Variants in TCF7L2 observed in about 807,000 individuals in gnomAD.
TCF7L2 encodes the protein transcription factor 7 like 2.
Under a neutral mutation model 77.9 loss-of-function variants are expected in TCF7L2, and 23 were observed. That is an observed-to-expected ratio of 0.30 (90% CI 0.21 to 0.42). The LOEUF is 0.42. Ranked by LOEUF, TCF7L2 falls within the 10% of genes least tolerant of loss-of-function variation. The pLI is 1.00. For missense variants in TCF7L2, 654 were observed against 793.1 expected (o/e 0.82, Z 2.11); for synonymous variants, 413 against 340.2 (o/e 1.21, Z -2.36).
At position 113,107,457 on chromosome 10, in the gene TCF7L2, G is replaced by C. The variant is rs1173090588; in HGVS notation, c.553-33727G>C. Among the ~76,000 whole-genome samples, 5 of 152,054 alleles carry C rather than the reference G, an allele frequency of 3.3e-5. No individual in the cohort carries two copies. The East Asian group carries it at 9.7e-4, about 29-fold the overall frequency. On this transcript the variant is annotated intron_variant, in intron 5 of 13. Transcript: ENST00000627217. Reference sequence around the variant, plus strand: ...TACACATTTGTGGTCAAGACATCAAGTTGCGGCCGGGCGTGGTGGCTCATG... The same window carrying C: ...TACACATTTGTGGTCAAGACATCAACTTGCGGCCGGGCGTGGTGGCTCATG...
intron 4 of TCF7L2, among the ~76,000 whole-genome samples, chr10:113,004,244 C>A (rs1008938677): frequency 2.0e-5 from 3 of 151,986 alleles, no homozygotes; most frequent in African/African-American, 7.3e-5. Context: ...GAGAGAAAGC[C>A]CAAAGAGTCT....
rs71007412 is a variant in TCF7L2 at position 113,101,842 on chromosome 10, C to CAAAAAAAAA, written c.553-39335_553-39327dup. Among the ~76,000 whole-genome samples the CAAAAAAAAA allele has an allele frequency of 7.4e-4, 34 of 45,998 alleles. 5 individuals carry two copies. Among genetic ancestry groups the CAAAAAAAAA allele is most frequent in the Admixed American group, 1.8e-3 (6 of 3,310 alleles). 30.2% of individuals were successfully genotyped at this position (45,998 alleles called of 152,430 possible). On this transcript the variant is annotated intron_variant, in intron 5 of 13. Transcript: ENST00000627217. Reference sequence around the variant, plus strand: ...TGGGCGACAGAGCGAGACTCCGTCTCAAAAAAAAAAAAAAAGAGAGGTGTG... The same window carrying CAAAAAAAAA: ...TGGGCGACAGAGCGAGACTCCGTCTCAAAAAAAAAAAAAAAAAAAAAAAAGAGAGGTGTG...
intron 3 of TCF7L2, among the ~76,000 whole-genome samples, chr10:112,962,636 C>A (rs1414479548): frequency 6.6e-6 from 1 of 152,112 alleles, no homozygotes; most frequent in Non-Finnish European, 1.5e-5. Flanking sequence ...CTCACTCTTA[C>A]CGCCTAGGCT....
Position 113,165,645 on chromosome 10 carries a change from C to A in TCF7L2, c.1482C>A (p.Pro494=), listed in dbSNP as rs755287177. ...ATGGAAGCTTACTAGATTCGCCTCC[C>A]CCCTCCCCGAACCTGCTAGGCTCCC... The change falls in exon 14 of 14, where the codon CCC becomes CCA. Residue 494 remains proline (P), a synonymous_variant. Transcript: ENST00000627217. 1.2e-6 allele frequency: 2 copies of A among 1,612,714 alleles called. No homozygotes were observed. Among genetic ancestry groups the A allele is most frequent in the South Asian group, 2.2e-5 (2 of 90,868 alleles).
chr10:112,982,316 G>A (rs191316239), intron 4 of TCF7L2, among the ~76,000 whole-genome samples: 74 of 152,190 alleles, frequency 4.9e-4, no homozygotes, highest in South Asian at 8.3e-4. Context: ...TCTGTGAAAA[G>A]CAGGTTTACT....
chr10:113,087,467 G>GT (rs1483522497), intron 5 of TCF7L2, among the ~76,000 whole-genome samples: 1 of 152,248 alleles, frequency 6.6e-6, no homozygotes, highest in African/African-American at 2.4e-5. Flanking sequence ...AGGCAGTAAG[G>GT]TGAGTCATTG....
intron 5 of TCF7L2, among the ~76,000 whole-genome samples, chr10:113,118,584 A>C (rs1290643004): frequency 1.4e-5 from 2 of 147,234 alleles, no homozygotes; most frequent in Non-Finnish European, 3.0e-5. Context: ...CCTGGAGTAT[A>C]GTGAGAACCC....
chr10:112,959,024 C>T (rs985856830), intron 3 of TCF7L2, among the ~76,000 whole-genome samples: 2 of 152,174 alleles, frequency 1.3e-5, no homozygotes, highest in Non-Finnish European at 2.9e-5. Context: ...ATGTTTTGTA[C>T]AAGAGCAGGA....
At chr10:113,130,367 G>T (rs1298294394) in intron 5 of TCF7L2, among the ~76,000 whole-genome samples, 3 of 152,210 alleles carry the variant, frequency 2.0e-5, no homozygotes, top group African/African-American at 7.2e-5. Flanking sequence ...ACCAGGGTGG[G>T]CTCCATCAGA....
intron 5 of TCF7L2, among the ~76,000 whole-genome samples, chr10:113,049,046 T>A (rs2053941302): frequency 6.6e-6 from 1 of 152,066 alleles, no homozygotes; most frequent in African/African-American, 2.4e-5. Context: ...CTCATAGGGG[T>A]CTGGCTTGGA....
chr10:112,972,086 A>G (rs535569672), intron 4 of TCF7L2, among the ~76,000 whole-genome samples: 17 of 152,180 alleles, frequency 1.1e-4, no homozygotes, highest in Admixed American at 7.9e-4. Flanking sequence ...TTTTCAACCT[A>G]TTGAAGTTTG....
At position 112,966,184 on chromosome 10, in the gene TCF7L2, T is replaced by TATATATATA. The variant is rs2036754580; in HGVS notation, c.450+1560_450+1561insATATATATA. On this transcript the variant is annotated intron_variant, in intron 4 of 13. Coordinates refer to ENST00000627217, the MANE Select transcript of TCF7L2 (RefSeq NM_001146274.2). ...GAGTGAGACTCTGTCTAAAATATAT[T>TATATATATA]TATATATATATATATATATATATAT... Among the ~76,000 whole-genome samples, 8 of 114,280 alleles carry TATATATATA rather than the reference T, an allele frequency of 7.0e-5. 1 individual carries two copies. Among genetic ancestry groups the TATATATATA allele is most frequent in the African/African-American group, 3.8e-4 (8 of 21,004 alleles). The allele number at this position is 114,280 out of a possible 152,430, so 75.0% of individuals were successfully genotyped here. A position where few individuals can be genotyped will look rare whatever the true frequency, so the allele number is the denominator to read the frequency against.
At chr10:112,973,328 G>A (rs2038688579) in intron 4 of TCF7L2, among the ~76,000 whole-genome samples, 2 of 152,136 alleles carry the variant, frequency 1.3e-5, no homozygotes, top group Non-Finnish European at 2.9e-5. Context: ...GGACTGTTAG[G>A]TTATACTCAC....
At chr10:113,102,431 T>G (rs12267693) in intron 5 of TCF7L2, among the ~76,000 whole-genome samples, 44,848 of 150,192 alleles carry the variant, frequency 0.3, 6,660 homozygotes, top group Middle Eastern at 0.42. Flanking sequence ...TTGTTTGTTT[T>G]TTTTTTTTTT....
At position 113,046,441 on chromosome 10, in the gene TCF7L2, C is replaced by G. The variant is rs1045003312; in HGVS notation, c.552+6315C>G. Among the ~76,000 whole-genome samples the G allele has an allele frequency of 2.6e-5, 4 of 152,074 alleles. No individual in the cohort carries two copies. In the South Asian group the frequency reaches 8.3e-4, roughly 32 times the overall value. On this transcript the variant is annotated intron_variant, in intron 5 of 13. Transcript: ENST00000627217. ...CTGTTTCTTTTTGGTACAATATGAA[C>G]TCTTAAGAGAGTTCTACCTTTAGGG...
chr10:113,133,597 G>A (rs1592141681), intron 5 of TCF7L2, among the ~76,000 whole-genome samples: 2 of 152,214 alleles, frequency 1.3e-5, no homozygotes, highest in South Asian at 4.1e-4. Context: ...GCATGTGTGT[G>A]AGAGAATTTG....
chr10:113,095,768 T>C (rs2060893072), intron 5 of TCF7L2, among the ~76,000 whole-genome samples: 1 of 152,196 alleles, frequency 6.6e-6, no homozygotes, highest in Admixed American at 6.5e-5. Context: ...GTGGAGGTCT[T>C]CCAAGGAGCT....
intron 5 of TCF7L2, among the ~76,000 whole-genome samples, chr10:113,067,320 T>G (rs1244334802): frequency 1.3e-5 from 2 of 152,188 alleles, no homozygotes; most frequent in Non-Finnish European, 2.9e-5. Flanking sequence ...GCAGAAGAAT[T>G]TTCTGGTAAT....
chr10:113,122,336 T>A (rs1280686859), intron 5 of TCF7L2, among the ~76,000 whole-genome samples: 2 of 152,274 alleles, frequency 1.3e-5, no homozygotes, highest in Non-Finnish European at 2.9e-5. Context: ...TGATTCAAAA[T>A]GTTTACTGAA....
Sources: allele counts gnomAD v4.1 joint callset (sites outside exome capture counted in the v4.1 genomes callset), GRCh38; gene constraint gnomAD v4.1.1; transcripts MANE v1.5; gene names NCBI Gene and HGNC (gene_info 2026-07-23, HGNC 2026-07-21).